The following CNBD1 variants were observed in gnomAD, a reference collection of about 807,000 sequenced individuals.
CNBD1 encodes cyclic nucleotide binding domain containing 1.
Under a neutral mutation model 54.4 loss-of-function variants are expected in CNBD1, and 71 were observed. That is an observed-to-expected ratio of 1.30 (90% CI 1.08 to 1.59). The LOEUF (loss-of-function observed/expected upper bound fraction) is 1.59, where lower values mean the gene tolerates loss of function less well. Ranked by LOEUF, CNBD1 falls within the 40% of genes most tolerant of loss-of-function variation. The pLI, the probability that CNBD1 is intolerant of heterozygous loss-of-function variation, is 0.00. For missense variants in CNBD1, 659 were observed against 518.0 expected, an observed-to-expected ratio of 1.27 and a Z score of -2.64; for synonymous variants, 182 against 170.7, an observed-to-expected ratio of 1.07 and a Z score of -0.51.
chr8:87,333,799 G>T (rs1402360664), intron 8 of CNBD1, among the ~76,000 whole-genome samples: 2 of 152,128 alleles, frequency 1.3e-5, no homozygotes, highest in Non-Finnish European at 2.9e-5. Context: ...TCGCACCAGT[G>T]TTTATCAGGG....
chr8:86,877,155 A>G (rs759173064), intron 1 of CNBD1, among the ~76,000 whole-genome samples: 5 of 152,038 alleles, frequency 3.3e-5, no homozygotes, highest in Admixed American at 6.6e-5. Flanking sequence ...TATTTTTAAT[A>G]TTTCTTAAAC....
chr8:87,282,140 A>G (rs1188409971), intron 6 of CNBD1, among the ~76,000 whole-genome samples: 1 of 151,596 alleles, frequency 6.6e-6, no homozygotes, highest in Non-Finnish European at 1.5e-5. Flanking sequence ...TTCAACTTGT[A>G]TATAATTAAA....
intron 2 of CNBD1, among the ~76,000 whole-genome samples, chr8:86,893,976 T>G (rs896785246): frequency 6.6e-6 from 1 of 150,490 alleles, no homozygotes. Context: ...CTTCTCATCT[T>G]AATTCCACAT....
chr8:87,103,622 T>C (rs923759721), intron 4 of CNBD1, among the ~76,000 whole-genome samples: 8 of 152,166 alleles, frequency 5.3e-5, no homozygotes, highest in African/African-American at 1.7e-4. Context: ...AAAAGCCCCT[T>C]ACAAAACCAG....
intron 4 of CNBD1, among the ~76,000 whole-genome samples, chr8:87,203,655 A>G (rs1813909266): frequency 6.6e-6 from 1 of 152,200 alleles, no homozygotes; most frequent in Admixed American, 6.5e-5. Flanking sequence ...TCTTTCACCA[A>G]AAGAAAAAAC....
chr8:87,109,998 T>C (rs985037298), intron 4 of CNBD1, among the ~76,000 whole-genome samples: 6 of 152,338 alleles, frequency 3.9e-5, no homozygotes, highest in African/African-American at 1.4e-4. Flanking sequence ...CTTTCAGACA[T>C]CTGAGAAAAC....
chr8:87,316,313 CCTGT>C (rs903446965), intron 8 of CNBD1, among the ~76,000 whole-genome samples: 24 of 151,960 alleles, frequency 1.6e-4, no homozygotes, highest in East Asian at 3.9e-4. Context: ...AACAAAAATT[CCTGT>C]CTAAGTCAAT....
chr8:87,257,365 A>C (rs1328229582), intron 6 of CNBD1, among the ~76,000 whole-genome samples: 1 of 148,518 alleles, frequency 6.7e-6, no homozygotes, highest in Non-Finnish European at 1.5e-5. Context: ...GCAAAACTCT[A>C]TCGCAAAAAA....
intron 2 of CNBD1, among the ~76,000 whole-genome samples, chr8:87,422,633 A>T (rs1413765202): frequency 6.6e-6 from 1 of 152,074 alleles, no homozygotes; most frequent in Non-Finnish European, 1.5e-5. Flanking sequence ...ATTGATCTAT[A>T]GCTCTGTTTA....
At chr8:86,880,644 G>A (rs1316704860) in intron 1 of CNBD1, among the ~76,000 whole-genome samples, 3 of 152,150 alleles carry the variant, frequency 2.0e-5, no homozygotes, top group African/African-American at 4.8e-5. Context: ...AGATGGAATT[G>A]ACAGTCTTTA....
At chr8:87,372,763 C>T (rs1324656875) in intron 10 of CNBD1, among the ~76,000 whole-genome samples, 1 of 151,732 alleles carries the variant, frequency 6.6e-6, no homozygotes, top group Non-Finnish European at 1.5e-5. Flanking sequence ...GTTCAATCAC[C>T]TCATATATGG....
chr8:86,987,216 T>A (rs1808628683), intron 4 of CNBD1, among the ~76,000 whole-genome samples: 3 of 152,150 alleles, frequency 2.0e-5, no homozygotes, highest in Non-Finnish European at 2.9e-5. Context: ...CTTGTAGAGA[T>A]CTTTTACATC....
chr8:87,020,898 G>T (rs1484230874), intron 4 of CNBD1, among the ~76,000 whole-genome samples: 1 of 152,100 alleles, frequency 6.6e-6, no homozygotes, highest in East Asian at 1.9e-4. Context: ...TATCCAAAAA[G>T]CTTCCTCTGC....
chr8:87,137,418 G>A (rs1220122943), intron 4 of CNBD1, among the ~76,000 whole-genome samples: 1 of 151,456 alleles, frequency 6.6e-6, no homozygotes, highest in Non-Finnish European at 1.5e-5. Context: ...TAGCCAGGAT[G>A]ATCTCCATCT....
chr8:87,190,370 C>A (rs573714324), intron 4 of CNBD1, among the ~76,000 whole-genome samples: 1 of 152,220 alleles, frequency 6.6e-6, no homozygotes, highest in Non-Finnish European at 1.5e-5. Flanking sequence ...AGCTGATGAC[C>A]TAAATTTTCA....
chr8:87,366,614 A>T (rs140432063), intron 10 of CNBD1, among the ~76,000 whole-genome samples: 4 of 152,198 alleles, frequency 2.6e-5, no homozygotes, highest in African/African-American at 7.2e-5. Context: ...GTACTGTGTA[A>T]TATAACATAA....
At chr8:87,093,559 TAA>T (rs1811260215) in intron 4 of CNBD1, among the ~76,000 whole-genome samples, 1 of 152,190 alleles carries the variant, frequency 6.6e-6, no homozygotes, top group Non-Finnish European at 1.5e-5. Flanking sequence ...TCTACTGATA[TAA>T]AAGTTAATAA....
chr8:87,128,505 G>A (rs578078922), intron 4 of CNBD1, among the ~76,000 whole-genome samples: 2 of 152,250 alleles, frequency 1.3e-5, no homozygotes, highest in South Asian at 4.1e-4. Context: ...TATTTCACAG[G>A]TTTTTCACAG....
intron 4 of CNBD1, among the ~76,000 whole-genome samples, chr8:87,110,604 C>T (rs1811642467): frequency 6.6e-6 from 1 of 152,158 alleles, no homozygotes; most frequent in South Asian, 2.1e-4. Flanking sequence ...AGCAAATATC[C>T]CCTGCCCTCC....
Sources: allele counts gnomAD v4.1 joint callset (sites outside exome capture counted in the v4.1 genomes callset), GRCh38; gene constraint gnomAD v4.1.1; transcripts MANE v1.5; gene names NCBI Gene and HGNC (gene_info 2026-07-23, HGNC 2026-07-21).